The following IRF5 variants were observed in gnomAD, a reference collection of about 807,000 sequenced individuals.
IRF5 encodes interferon regulatory factor 5.
In IRF5, 24 loss-of-function variants were observed where a neutral mutation model predicts 55.1. That is an observed-to-expected ratio of 0.44 (90% CI 0.32 to 0.61). IRF5 has a LOEUF of 0.61. Among genes scored for constraint, IRF5 ranks in the 20% least tolerant of loss-of-function variants. The pLI is 0.07. For missense variants in IRF5, 499 were observed against 658.5 expected, an observed-to-expected ratio of 0.76 and a Z score of 2.65; for synonymous variants, 258 against 260.2, an observed-to-expected ratio of 0.99 and a Z score of 0.08.
chr7:128,937,376 C>T (rs922697794), upstream of IRF5, among the ~76,000 whole-genome samples: 3 of 152,182 alleles, frequency 2.0e-5, no homozygotes, highest in East Asian at 1.9e-4. Context: ...CAGGCGACCA[C>T]GCCGCTGCCC....
At position 128,948,369 on chromosome 7, in the gene IRF5, CTG is replaced by C. The variant is rs758504406; in HGVS notation, c.1299+42_1299+43del. On this transcript the variant is annotated intron_variant, in intron 8 of 8. Coordinates refer to ENST00000357234, the MANE Select transcript of IRF5 (RefSeq NM_001098629.3). The surrounding 1 kb of genome is among the most constrained non-coding windows in gnomAD (Gnocchi z 4.6). The stretch of plus-strand genomic sequence containing the variant: ...CCCAAAGTCGGCCTTGGCTTGAAAA[CTG>C]GGGAATCCTGGGGCTAGGCCCTTGC... 2 of 1,515,724 alleles carry C rather than the reference CTG, an allele frequency of 1.3e-6. No individual in the cohort carries two copies. The highest frequency in any genetic ancestry group is 1.3e-5 in the South Asian group (1 of 78,780). The allele number at this position is 1,515,724 out of a possible 1,614,324, so 93.9% of individuals were successfully genotyped here.
intron 1 of IRF5, among the ~76,000 whole-genome samples, chr7:128,939,411 CTG>C (rs1309665150): frequency 1.3e-5 from 2 of 152,120 alleles, no homozygotes; most frequent in African/African-American, 4.8e-5. Flanking sequence ...GAGCCTCAGC[CTG>C]TCTGGACCAG....
intron 1 of IRF5, 66 bp from the exon 2 acceptor site, chr7:128,942,005 C>T (rs975806890): frequency 7.8e-7 from 1 of 1,279,210 alleles, no homozygotes; most frequent in Admixed American, 2.3e-5. Context: ...ATAGCTTGAC[C>T]TCTGAGTACC....
At chr7:128,938,246 G>C (rs1243769092) in intron 1 of IRF5, 197 bp downstream of exon 1, 2 of 152,324 alleles carry the variant, frequency 1.3e-5, no homozygotes, top group East Asian at 1.9e-4. Context: ...GCGAGCTCGG[G>C]TGGGTGCCTA....
In IRF5 at chr7:128,949,649, G is replaced by GA. The variant is rs1448960468; in HGVS notation, c.*833dup. 6.6e-6 allele frequency: 1 copy of GA among 152,198 alleles called. No homozygotes were observed. The highest frequency in any genetic ancestry group is 2.4e-5 in the African/African-American group (1 of 41,448). The allele number at this position is 152,198 out of a possible 1,614,324, so 9.4% of individuals were successfully genotyped here. The stretch of plus-strand genomic sequence containing the variant: ...GTGTGCACAGTCTGGAAAACTGTCA[G>GA]AATCAGTTTTCCCATAAAAGGGTGG... On this transcript the variant is annotated 3_prime_UTR_variant, in exon 9 of 9. Transcript: ENST00000357234.
At position 128,946,065 on chromosome 7, in the gene IRF5, G is replaced by C; in HGVS notation, c.385+31G>C. The C allele has an allele frequency of 1.9e-6, 3 of 1,545,322 alleles. No individual in the cohort carries two copies. The South Asian group carries it at 3.7e-5, about 19-fold the overall frequency. On this transcript the variant is annotated intron_variant, in intron 3 of 8. Coordinates refer to ENST00000357234, the MANE Select transcript of IRF5 (RefSeq NM_001098629.3). The surrounding 1 kb of genome is among the most constrained non-coding windows in gnomAD (Gnocchi z 4.2). ...AGGCCTAGCCCTCTGTGGGCCACCT[G>C]GGAGGCTGTGCAATGTCCTGGCCCC... is the stretch of plus-strand genomic sequence containing the variant.
Position 128,942,418 on chromosome 7 carries a change from A to C in IRF5, c.195+142A>C, listed in dbSNP as rs1796077730. ...TGCTGCTGATGCCGGGCCCGGACTA[A>C]GGGGATGCAGACGTAGACACAGGGT... On this transcript the variant is annotated intron_variant, in intron 2 of 8. Coordinates refer to ENST00000357234, the MANE Select transcript of IRF5 (RefSeq NM_001098629.3). 4.6e-6 allele frequency: 3 copies of C among 654,268 alleles called. 1 individual carries two copies. In the South Asian group the frequency reaches 6.0e-5, roughly 13 times the overall value. The allele number at this position is 654,268 out of a possible 1,614,324, so 40.5% of individuals were successfully genotyped here.
Position 128,949,624 on chromosome 7 carries a change from G to A in IRF5, c.*806G>A, listed in dbSNP as rs924945608. On this transcript the variant is annotated 3_prime_UTR_variant, in exon 9 of 9. Transcript: ENST00000357234. ...GAAGCAAGGGTGTGGAATTTTAAATGTGTGCACAGTCTGGAAAACTGTCAG... is the reference window on the plus strand; with the variant it reads ...GAAGCAAGGGTGTGGAATTTTAAATATGTGCACAGTCTGGAAAACTGTCAG... The A allele has an allele frequency of 1.3e-5, 2 of 152,208 alleles. No homozygotes were observed. Among genetic ancestry groups the A allele is most frequent in the African/African-American group, 2.4e-5 (1 of 41,450 alleles). 9.4% of individuals were successfully genotyped at this position (152,208 alleles called of 1,614,324 possible).
At position 128,949,082 on chromosome 7, in the gene IRF5, G is replaced by A. The variant is rs547776731; in HGVS notation, c.*264G>A. 4 of 490,502 alleles carry A rather than the reference G, an allele frequency of 8.2e-6. No homozygotes were observed. Among genetic ancestry groups the A allele is most frequent in the East Asian group, 3.6e-5 (1 of 28,146 alleles). 30.4% of individuals were successfully genotyped at this position (490,502 alleles called of 1,614,324 possible). A position where few individuals can be genotyped will look rare whatever the true frequency, so the allele number is the denominator to read the frequency against. On this transcript the variant is annotated 3_prime_UTR_variant, in exon 9 of 9. Transcript: ENST00000357234. ...CAGGGAAAGAACTCTCCCAACCCTGGGGCCTAGCTGTATAGGAGGAATTGC... is the reference window on the plus strand; with the variant it reads ...CAGGGAAAGAACTCTCCCAACCCTGAGGCCTAGCTGTATAGGAGGAATTGC...
At chr7:128,945,280 T>G (rs977814989) in intron 2 of IRF5, among the ~76,000 whole-genome samples, 6 of 152,174 alleles carry the variant, frequency 3.9e-5, no homozygotes, top group African/African-American at 1.4e-4. Context: ...GCCCAGCTAA[T>G]TTTTTGTAAA....
At chr7:128,945,707 C>A in intron 2 of IRF5, 138 bp from the exon 3 acceptor site, 1 of 790,242 alleles carries the variant, frequency 1.3e-6, no homozygotes, top group Non-Finnish European at 1.9e-6. Flanking sequence ...ACGCTGCAAA[C>A]CAGGTCTGGG....
Position 128,949,037 on chromosome 7 carries a change from T to C in IRF5, c.*219T>C. The C allele has an allele frequency of 1.7e-6, 1 of 581,302 alleles. No individual in the cohort carries two copies. The highest frequency in any genetic ancestry group is 3.1e-5 in the Admixed American group (1 of 32,552). 36.0% of individuals were successfully genotyped at this position (581,302 alleles called of 1,614,324 possible). On this transcript the variant is annotated 3_prime_UTR_variant, in exon 9 of 9. Coordinates refer to ENST00000357234, the MANE Select transcript of IRF5 (RefSeq NM_001098629.3). ...GTCTCTGGTCTGGTCAGCCTGGCTC[T>C]CGGGAAATTCAGCCATGAGCAGGGA...
At position 128,948,397 on chromosome 7, in the gene IRF5, C is replaced by A; in HGVS notation, c.1299+69C>A. Reference sequence around the variant, plus strand: ...GGGAATCCTGGGGCTAGGCCCTTGCCCCAGGCTGGAGGCTCAGGGCTCCCT... The same window carrying A: ...GGGAATCCTGGGGCTAGGCCCTTGCACCAGGCTGGAGGCTCAGGGCTCCCT... On this transcript the variant is annotated intron_variant, in intron 8 of 8. Coordinates refer to ENST00000357234, the MANE Select transcript of IRF5 (RefSeq NM_001098629.3). This position sits in a 1 kb window ranked among gnomAD's most constrained non-coding sequence, Gnocchi z 4.6. 1 of 1,486,646 alleles carries A rather than the reference C, an allele frequency of 6.7e-7. No individual in the cohort carries two copies. The highest frequency in any genetic ancestry group is 9.1e-7 in the Non-Finnish European group (1 of 1,097,700). The allele number at this position is 1,486,646 out of a possible 1,614,324, so 92.1% of individuals were successfully genotyped here.
chr7:128,947,207 C>T lies in IRF5; in HGVS notation c.482-23C>T. The T allele has an allele frequency of 6.3e-7, 1 of 1,596,664 alleles. No homozygotes were observed. ...CAGTTCGTGGAGGTGGCACTGACAGCCGTCCACACGCACTCTCTGTAGATG... is the reference window on the plus strand; with the variant it reads ...CAGTTCGTGGAGGTGGCACTGACAGTCGTCCACACGCACTCTCTGTAGATG... On this transcript the variant is annotated intron_variant, in intron 5 of 8. Transcript: ENST00000357234. This position sits in a 1 kb window ranked among gnomAD's most constrained non-coding sequence, Gnocchi z 6.5.
intron 1 of IRF5, among the ~76,000 whole-genome samples, chr7:128,939,498 A>G (rs185928231): frequency 4.5e-4 from 68 of 152,040 alleles, no homozygotes; most frequent in Non-Finnish European, 6.6e-4. Context: ...TGTACAGGGA[A>G]CCCCTTGTCC....
At position 128,947,279 on chromosome 7, in the gene IRF5, G is replaced by A. The variant is rs1371884832; in HGVS notation, c.531G>A (p.Glu177=). 1 of 1,610,992 alleles carries A rather than the reference G, an allele frequency of 6.2e-7. No homozygotes were observed. Among genetic ancestry groups the A allele is most frequent in the Middle Eastern group, 1.7e-4 (1 of 6,024 alleles). Residue 177 remains glutamate (E), a synonymous_variant, in exon 6 of 9, where the codon GAG becomes GAA. Transcript: ENST00000357234. This position sits in a 1 kb window ranked among gnomAD's most constrained non-coding sequence, Gnocchi z 6.5. ...TGACACCCTATTCTTTACTCAAAGA[G>A]GATGTCAAGTGGCCGCCCACTCTGC... The part of the protein sequence containing the change: ...PHMTPYSLLK[E]DVKWPPTLQP...
In IRF5 at chr7:128,947,149, G is replaced by A; in HGVS notation, c.482-81G>A. The A allele has an allele frequency of 6.2e-7, 1 of 1,610,044 alleles. No homozygotes were observed. Among genetic ancestry groups the A allele is most frequent in the Non-Finnish European group, 8.5e-7 (1 of 1,177,374 alleles). On this transcript the variant is annotated intron_variant, in intron 5 of 8. Transcript: ENST00000357234. The surrounding 1 kb of genome is among the most constrained non-coding windows in gnomAD (Gnocchi z 6.5). ...AAGGGGGCTGATGGGAGGCTAGGGT[G>A]GCCCAGGGCTGGGAGGAGGTGTGCC...
chr7:128,941,222 C>T (rs11767834), intron 1 of IRF5: 2,360 of 152,518 alleles, frequency 0.015, 29 homozygotes, highest in Non-Finnish European at 0.024. Context: ...GCCTGGGAGG[C>T]GGGGCTCGTG....
Position 128,942,123 on chromosome 7 carries a change from C to T in IRF5, c.42C>T (p.Arg14=), listed in dbSNP as rs202089761. The T allele has an allele frequency of 5.9e-5, 95 of 1,612,534 alleles. No individual in the cohort carries two copies. The highest frequency in any genetic ancestry group is 7.2e-5 in the Non-Finnish European group (85 of 1,179,542). Residue 14 remains arginine (R), a synonymous_variant, in exon 2 of 9, where the codon CGC becomes CGT. Transcript: ENST00000357234. The part of the protein sequence containing the change: ...SIPVAPTPPR[R]VRLKPWLVAQ... ...CAGTGGCTCCCACCCCACCCCGCCG[C>T]GTGCGGCTGAAGCCCTGGCTGGTGG...
Sources: allele counts gnomAD v4.1 joint callset (sites outside exome capture counted in the v4.1 genomes callset), GRCh38; gene constraint gnomAD v4.1.1; non-coding constraint Gnocchi (gnomAD v3.1); transcripts MANE v1.5; gene names NCBI Gene and HGNC (gene_info 2026-07-23, HGNC 2026-07-21).